The following GAB2 variants were observed in gnomAD, a reference collection of about 807,000 sequenced individuals.
The protein encoded by GAB2 is GRB2-associated-binding protein 2.
Under a neutral mutation model 65.5 loss-of-function variants are expected in GAB2, and 26 were observed. The ratio of observed to expected loss-of-function variants is 0.40; its 90% CI spans 0.29 to 0.55. The LOEUF (loss-of-function observed/expected upper bound fraction) is 0.55, where lower values mean the gene tolerates loss of function less well. Among genes scored for constraint, GAB2 ranks in the 20% least tolerant of loss-of-function variants. The pLI is 0.53. For missense variants in GAB2, 884 were observed against 875.8 expected (o/e 1.01, Z -0.12); for synonymous variants, 321 against 329.6 (o/e 0.97, Z 0.28).
chr11:78,342,495 G>A (rs556161526), intron 1 of GAB2, among the ~76,000 whole-genome samples: 6 of 138,678 alleles, frequency 4.3e-5, no homozygotes, highest in South Asian at 2.4e-4. Context: ...TACAAGCTCC[G>A]CCTCCCGGTT....
At chr11:78,391,019 G>A (rs1364119009) in intron 1 of GAB2, among the ~76,000 whole-genome samples, 1 of 152,160 alleles carries the variant, frequency 6.6e-6, no homozygotes. Flanking sequence ...GCCCTGATTA[G>A]GAAGCTGACC....
At chr11:78,392,737 T>C (rs1054556168) in intron 1 of GAB2, among the ~76,000 whole-genome samples, 1 of 152,212 alleles carries the variant, frequency 6.6e-6, no homozygotes, top group African/African-American at 2.4e-5. Flanking sequence ...TCGACATTCA[T>C]GAGCTCACAT....
chr11:78,254,498 C>T (rs1041958835), intron 2 of GAB2, among the ~76,000 whole-genome samples: 2 of 152,104 alleles, frequency 1.3e-5, no homozygotes, highest in African/African-American at 4.8e-5. Flanking sequence ...TAGCCAGCTC[C>T]ATCTAATGAT....
chr11:78,225,646 G>A (rs1864616417), intron 4 of GAB2, among the ~76,000 whole-genome samples: 1 of 152,230 alleles, frequency 6.6e-6, no homozygotes, highest in Admixed American at 6.5e-5. Flanking sequence ...GAGTATGACT[G>A]CTCAAATTGT....
chr11:78,316,171 A>G (rs1057452005), intron 1 of GAB2, among the ~76,000 whole-genome samples: 15 of 152,084 alleles, frequency 9.9e-5, no homozygotes, highest in Non-Finnish European at 2.2e-4. Flanking sequence ...GGACTGACTT[A>G]AAGGCTGCAC....
intron 2 of GAB2, among the ~76,000 whole-genome samples, chr11:78,274,705 G>T (rs563924881): frequency 3.3e-5 from 5 of 152,168 alleles, no homozygotes; most frequent in Non-Finnish European, 7.3e-5. Flanking sequence ...ACTAAATTAG[G>T]AATATTCTAG....
intron 8 of GAB2, among the ~76,000 whole-genome samples, chr11:78,221,152 T>C (rs1010991459): frequency 6.6e-6 from 1 of 152,218 alleles, no homozygotes; most frequent in Non-Finnish European, 1.5e-5. Flanking sequence ...GATAGTCCTG[T>C]GTTCTGTTTG....
intron 3 of GAB2, among the ~76,000 whole-genome samples, chr11:78,232,517 T>G (rs2051776891): frequency 2.0e-5 from 3 of 152,216 alleles, no homozygotes; most frequent in Admixed American, 2.0e-4. Context: ...AGTTCAAAAC[T>G]CTTTCCGTTG....
chr11:78,316,320 A>G (rs1459536821), intron 1 of GAB2, among the ~76,000 whole-genome samples: 1 of 152,140 alleles, frequency 6.6e-6, no homozygotes, highest in Non-Finnish European at 1.5e-5. Flanking sequence ...CATAATATAC[A>G]TATTATGAAA....
chr11:78,277,992 C>T (rs768991685), intron 2 of GAB2, among the ~76,000 whole-genome samples: 1 of 152,016 alleles, frequency 6.6e-6, no homozygotes, highest in African/African-American at 2.4e-5. Flanking sequence ...GCTGCAGACC[C>T]AGATAGATTT....
intron 2 of GAB2, among the ~76,000 whole-genome samples, chr11:78,277,874 C>T (rs991799658): frequency 6.6e-6 from 1 of 152,218 alleles, no homozygotes; most frequent in Non-Finnish European, 1.5e-5. Flanking sequence ...CCTGCTCTAA[C>T]ACTTTTTAAT....
chr11:78,238,507 A>G (rs1865048155), intron 3 of GAB2, among the ~76,000 whole-genome samples: 1 of 151,482 alleles, frequency 6.6e-6, no homozygotes, highest in South Asian at 2.1e-4. Flanking sequence ...AAGTCGAAGA[A>G]ATATTGGTAG....
intron 1 of GAB2, among the ~76,000 whole-genome samples, chr11:78,310,493 G>A (rs1404716026): frequency 3.7e-5 from 5 of 134,738 alleles, no homozygotes; most frequent in Admixed American, 1.6e-4. Flanking sequence ...CAGCCTGGGC[G>A]ACAGAGCAAG....
At chr11:78,286,431 G>GTTTGACATTTCTACTCCCTGC in intron 1 of GAB2, among the ~76,000 whole-genome samples, 1 of 151,816 alleles carries the variant, frequency 6.6e-6, no homozygotes, top group East Asian at 1.9e-4. Context: ...CTTTCCCCGG[G>GTTTGACATTTCTACTCCCTGC]TTTGACATTT....
At chr11:78,382,734 G>A (rs1271629773) in intron 1 of GAB2, among the ~76,000 whole-genome samples, 9 of 152,098 alleles carry the variant, frequency 5.9e-5, no homozygotes, top group South Asian at 2.1e-4. Flanking sequence ...TTTTCTAAAC[G>A]TTCAAAAGAC....
chr11:78,308,138 A>G (rs560587851), intron 1 of GAB2, among the ~76,000 whole-genome samples: 68 of 152,286 alleles, frequency 4.5e-4, no homozygotes, highest in African/African-American at 1.6e-3. Context: ...AATACAAGAC[A>G]TATTATAAGT....
At chr11:78,323,780 C>G (rs922330774) in intron 1 of GAB2, among the ~76,000 whole-genome samples, 2 of 144,940 alleles carry the variant, frequency 1.4e-5, no homozygotes, top group African/African-American at 5.2e-5. Context: ...CGTGTACCCC[C>G]TGAATCTTTC....
Position 78,221,154 on chromosome 11 carries a change from T to C in GAB2, c.1761+523A>G, listed in dbSNP as rs576290494. On this transcript the variant is annotated intron_variant, in intron 8 of 9. Coordinates refer to ENST00000361507, the MANE Select transcript of GAB2 (RefSeq NM_080491.3). ...CTAATGAGAAGGTGATAGTCCTGTG[T>C]TCTGTTTGTTGGCTGCTTTACTGGT... Among the ~76,000 whole-genome samples the C allele has an allele frequency of 3.3e-5, 5 of 152,340 alleles. No individual in the cohort carries two copies. In the South Asian group the frequency reaches 1.0e-3, roughly 32 times the overall value.
At chr11:78,307,614 G>GAGAGAGAGAGAGAGAGAGAGAGAC (rs1554986625) in intron 1 of GAB2, among the ~76,000 whole-genome samples, 14 of 149,694 alleles carry the variant, frequency 9.4e-5, no homozygotes, top group African/African-American at 3.3e-4. Flanking sequence ...TAGAGAGAGA[G>GAGAGAGAGAGAGAGAGAGAGAGAC]AGAGAGAGAG....
Sources: allele counts gnomAD v4.1 joint callset (sites outside exome capture counted in the v4.1 genomes callset), GRCh38; gene constraint gnomAD v4.1.1; transcripts MANE v1.5; gene names NCBI Gene and HGNC (gene_info 2026-07-23, HGNC 2026-07-21).